LARGE1: variants seen among roughly 807,000 people sequenced by gnomAD.
The protein encoded by LARGE1 is LARGE xylosyl- and glucuronyltransferase 1, also known as xylosyl- and glucuronyltransferase LARGE1.
Under a neutral mutation model 87.6 loss-of-function variants are expected in LARGE1, and 43 were observed. The observed-to-expected ratio is 0.49, with a 90% CI of 0.38 to 0.63. The LOEUF (loss-of-function observed/expected upper bound fraction) is 0.63, where lower values mean the gene tolerates loss of function less well. Among genes scored for constraint, LARGE1 ranks in the 30% least tolerant of loss-of-function variants. The pLI, the probability that LARGE1 is intolerant of heterozygous loss-of-function variation, is 0.00. For missense variants in LARGE1, 802 were observed against 1,000.2 expected, an observed-to-expected ratio of 0.80 and a Z score of 2.67; for synonymous variants, 434 against 394.6, an observed-to-expected ratio of 1.10 and a Z score of -1.18.
chr22:33,606,101 G>C (rs376166479), intron 4 of LARGE1, among the ~76,000 whole-genome samples: 1 of 152,156 alleles, frequency 6.6e-6, no homozygotes, highest in Non-Finnish European at 1.5e-5. Context: ...AGAATGCAAT[G>C]AAAGTTTAAT....
At chr22:33,826,539 C>T (rs1198539698) in intron 1 of LARGE1, among the ~76,000 whole-genome samples, 1 of 152,002 alleles carries the variant, frequency 6.6e-6, no homozygotes, top group African/African-American at 2.4e-5. Context: ...GATAGAATTT[C>T]ACCATCTTGG....
At chr22:33,482,711 T>TA (rs112016920) in intron 6 of LARGE1, among the ~76,000 whole-genome samples, 41 of 151,242 alleles carry the variant, frequency 2.7e-4, no homozygotes, top group South Asian at 1.0e-3. Flanking sequence ...AGTATAATAA[T>TA]AAAAAAAAAC....
chr22:33,262,819 CCTGA>C (rs1927713332), intron 11 of LARGE1, among the ~76,000 whole-genome samples: 1 of 150,126 alleles, frequency 6.7e-6, no homozygotes, highest in Non-Finnish European at 1.5e-5. Flanking sequence ...TTCTTTCCTT[CCTGA>C]CTTCCTTCCT....
intron 1 of LARGE1, among the ~76,000 whole-genome samples, chr22:33,904,787 A>T (rs16993260): frequency 0.057 from 8,698 of 152,278 alleles, 312 homozygotes; most frequent in African/African-American, 0.089. Flanking sequence ...GCACTCTGGC[A>T]TACACGATCA....
chr22:33,361,551 T>C (rs2064386098), intron 9 of LARGE1, among the ~76,000 whole-genome samples: 1 of 149,342 alleles, frequency 6.7e-6, no homozygotes, highest in Admixed American at 6.6e-5. Flanking sequence ...CACAGGACTG[T>C]GGAGAGGGGC....
At chr22:33,864,470 G>C (rs551780061) in intron 1 of LARGE1, among the ~76,000 whole-genome samples, 34 of 152,300 alleles carry the variant, frequency 2.2e-4, no homozygotes, top group Admixed American at 1.8e-3. Flanking sequence ...GCAAGGTGCA[G>C]GTGGCCTTGG....
At chr22:33,237,472 G>A (rs906238639) in intron 11 of LARGE1, among the ~76,000 whole-genome samples, 2 of 151,388 alleles carry the variant, frequency 1.3e-5, no homozygotes, top group African/African-American at 2.4e-5. Flanking sequence ...GAATGTTTAT[G>A]AGCTCATGTA....
intron 9 of LARGE1, among the ~76,000 whole-genome samples, chr22:33,352,758 T>C (rs1200321386): frequency 6.6e-6 from 1 of 152,076 alleles, no homozygotes; most frequent in Non-Finnish European, 1.5e-5. Flanking sequence ...CAAGACTCCA[T>C]TCCCCGACCC....
intron 7 of LARGE1, among the ~76,000 whole-genome samples, chr22:33,429,402 T>C (rs931040632): frequency 6.6e-6 from 1 of 152,164 alleles, no homozygotes; most frequent in Non-Finnish European, 1.5e-5. Context: ...GGGAAGTAAC[T>C]CACTGCTTTG....
chr22:33,877,279 T>G (rs2064496898), intron 1 of LARGE1, among the ~76,000 whole-genome samples: 1 of 152,182 alleles, frequency 6.6e-6, no homozygotes, highest in East Asian at 1.9e-4. Context: ...TGTAATTTTA[T>G]TGTTAACCCT....
intron 2 of LARGE1, among the ~76,000 whole-genome samples, chr22:33,750,256 T>G (rs1468479187): frequency 6.6e-6 from 1 of 152,212 alleles, no homozygotes; most frequent in Non-Finnish European, 1.5e-5. Context: ...ACTGTGCACA[T>G]GGACAGCCAG....
intron 2 of LARGE1, among the ~76,000 whole-genome samples, chr22:33,695,178 A>G (rs995928698): frequency 6.8e-6 from 1 of 147,726 alleles, no homozygotes; most frequent in Admixed American, 7.0e-5. Context: ...ACCTCAGCTC[A>G]CTGCAACCTC....
chr22:33,210,286 A>G (rs977468102), intron 11 of LARGE1, among the ~76,000 whole-genome samples: 4 of 152,318 alleles, frequency 2.6e-5, no homozygotes, highest in African/African-American at 9.6e-5. Flanking sequence ...TCCACAGAGC[A>G]TGGTCTGGCA....
At chr22:33,253,626 C>T (rs1204663835) in intron 11 of LARGE1, among the ~76,000 whole-genome samples, 1 of 152,170 alleles carries the variant, frequency 6.6e-6, no homozygotes, top group Admixed American at 6.5e-5. Context: ...GCAGGAGAAT[C>T]GCTTGAACCC....
intron 1 of LARGE1, among the ~76,000 whole-genome samples, chr22:33,777,207 G>A (rs918807241): frequency 6.6e-6 from 1 of 152,148 alleles, no homozygotes; most frequent in Non-Finnish European, 1.5e-5. Context: ...CCTTCCAGAA[G>A]AAAAGGTACA....
At chr22:33,243,637 C>T (rs183549742) in intron 11 of LARGE1, among the ~76,000 whole-genome samples, 36 of 152,240 alleles carry the variant, frequency 2.4e-4, no homozygotes, top group African/African-American at 7.5e-4. Context: ...TTTCTCTATC[C>T]GTTCATTTGT....
chr22:33,144,768 G>A, the LARGE1 span, among the ~76,000 whole-genome samples: 1 of 152,100 alleles, frequency 6.6e-6, no homozygotes, highest in Non-Finnish European at 1.5e-5. Context: ...TATGTTCCAA[G>A]CATGTAGAGA....
chr22:33,909,694 A>G (rs2065570734), intron 1 of LARGE1, among the ~76,000 whole-genome samples: 1 of 151,626 alleles, frequency 6.6e-6, no homozygotes, highest in African/African-American at 2.4e-5. Flanking sequence ...GCCCGCCACC[A>G]CGCCCAGCTA....
chr22:33,324,304 C>G (rs1019212578), intron 10 of LARGE1, among the ~76,000 whole-genome samples: 1 of 134,498 alleles, frequency 7.4e-6, no homozygotes, highest in African/African-American at 3.0e-5. Flanking sequence ...AACCCCCCCC[C>G]CAAAACAAAC....
Sources: gnomAD v4.1 joint callset for allele counts (sites outside exome capture counted in the v4.1 genomes callset) on GRCh38, gnomAD v4.1.1 for gene constraint, MANE v1.5 for transcripts, NCBI Gene and HGNC (gene_info 2026-07-23, HGNC 2026-07-21) for gene names.